RAC1: variants seen among roughly 807,000 people sequenced by gnomAD.
The protein encoded by RAC1 is ras-related C3 botulinum toxin substrate 1.
Under a neutral mutation model 25.2 loss-of-function variants are expected in RAC1, and 2 were observed. The ratio of observed to expected loss-of-function variants is 0.08; its 90% CI spans 0.03 to 0.25. The LOEUF (loss-of-function observed/expected upper bound fraction) is 0.25, where lower values mean the gene tolerates loss of function less well. RAC1 is among the 10% of genes least tolerant of loss of function. The pLI is 1.00. For missense variants in RAC1, 50 were observed against 235.7 expected (o/e 0.21, Z 5.16); for synonymous variants, 88 against 94.0 (o/e 0.94, Z 0.37).
chr7:6,398,735 G>C (rs372483186), intron 3 of RAC1: 23 of 1,610,312 alleles, frequency 1.4e-5, no homozygotes, highest in African/African-American at 6.7e-5. Flanking sequence ...AAAACTTTCA[G>C]TCCACTTCAG....
intron 1 of RAC1, among the ~76,000 whole-genome samples, chr7:6,386,535 A>G (rs34699105): frequency 0.023 from 3,508 of 152,162 alleles, 67 homozygotes; most frequent in Middle Eastern, 0.054. Flanking sequence ...TAATCCCAGC[A>G]CTTTGGGAGG....
chr7:6,379,747 ATTGC>A (rs1189878762), intron 1 of RAC1, among the ~76,000 whole-genome samples: 1 of 151,374 alleles, frequency 6.6e-6, no homozygotes, highest in African/African-American at 2.4e-5. Flanking sequence ...TTATTTTTTT[ATTGC>A]TTATTACTAT....
At chr7:6,391,815 G>A in intron 2 of RAC1, 109 bp from the exon 3 acceptor site, 1 of 1,518,504 alleles carries the variant, frequency 6.6e-7, no homozygotes, top group Non-Finnish European at 8.9e-7. Context: ...TGGTGTGGCA[G>A]CCTCCAGGCC....
In RAC1 at chr7:6,400,099, A is replaced by G. The variant is rs1389253502; in HGVS notation, c.226-27A>G. ...GCTTCATTCTAAGGTTGTTGTCTAA[A>G]TGTTTCCCTGTGTTTCCTTTTTGTA... On this transcript the variant is annotated intron_variant, in intron 3 of 5. Transcript: ENST00000348035. The G allele has an allele frequency of 2.5e-6, 4 of 1,586,864 alleles. No individual in the cohort carries two copies. The South Asian group carries it at 3.3e-5, about 13-fold the overall frequency.
At chr7:6,383,846 A>T (rs1027481619) in intron 1 of RAC1, among the ~76,000 whole-genome samples, 7 of 107,752 alleles carry the variant, frequency 6.5e-5, no homozygotes, top group African/African-American at 2.6e-4. Flanking sequence ...CTTGTTGCCC[A>T]GGCTGGAGTG....
chr7:6,376,894 T>G (rs1252165766), intron 1 of RAC1, among the ~76,000 whole-genome samples: 2 of 151,818 alleles, frequency 1.3e-5, no homozygotes, highest in African/African-American at 4.8e-5. Flanking sequence ...TGTGGACCTC[T>G]GCTGTTTGAA....
At chr7:6,377,344 A>C (rs931870785) in intron 1 of RAC1, among the ~76,000 whole-genome samples, 10 of 152,144 alleles carry the variant, frequency 6.6e-5, no homozygotes, top group Non-Finnish European at 1.2e-4. Context: ...CCTGTAACCC[A>C]GCATTTTGGG....
intron 2 of RAC1, among the ~76,000 whole-genome samples, chr7:6,389,920 C>T (rs1196698988): frequency 6.6e-6 from 1 of 151,322 alleles, no homozygotes. Context: ...ACTGATGGAA[C>T]ATTTCCTTCC....
intron 3 of RAC1, chr7:6,398,578 A>G: frequency 4.9e-6 from 6 of 1,222,096 alleles, no homozygotes; most frequent in Non-Finnish European, 7.1e-6. Context: ...ACAAAATTCT[A>G]ATAAAGAATC....
At chr7:6,376,564 G>A (rs1782605668) in intron 1 of RAC1, among the ~76,000 whole-genome samples, 1 of 145,190 alleles carries the variant, frequency 6.9e-6, no homozygotes, top group East Asian at 2.0e-4. Flanking sequence ...GTGCAATGGC[G>A]CGATCTCTGC....
chr7:6,380,506 C>A (rs1474728260), intron 1 of RAC1, among the ~76,000 whole-genome samples: 2 of 152,122 alleles, frequency 1.3e-5, no homozygotes, highest in Non-Finnish European at 2.9e-5. Flanking sequence ...AACTTTCTGT[C>A]TTTTTGCATT....
At chr7:6,381,997 T>A (rs545719192) in intron 1 of RAC1, among the ~76,000 whole-genome samples, 1 of 152,148 alleles carries the variant, frequency 6.6e-6, no homozygotes, top group Admixed American at 6.6e-5. Context: ...CTACATACTT[T>A]TTTTTGTTTT....
intron 4 of RAC1, among the ~76,000 whole-genome samples, chr7:6,400,527 G>A (rs1388932878): frequency 1.3e-5 from 2 of 152,030 alleles, no homozygotes; most frequent in African/African-American, 2.4e-5. Context: ...GGCTGGTTTT[G>A]TAGACCCTGG....
chr7:6,399,050 CTAACCT>C (rs1232020452), intron 3 of RAC1, among the ~76,000 whole-genome samples: 1 of 152,194 alleles, frequency 6.6e-6, no homozygotes, highest in Non-Finnish European at 1.5e-5. Flanking sequence ...CGGAGCAGGA[CTAACCT>C]TGTTGCCGGG....
intron 2 of RAC1, among the ~76,000 whole-genome samples, chr7:6,390,597 CA>C (rs1436549557): frequency 5.2e-4 from 72 of 139,322 alleles, no homozygotes; most frequent in Non-Finnish European, 7.7e-4. Context: ...GATTCTGTCT[CA>C]AAAAAAAAAT....
intron 3 of RAC1, among the ~76,000 whole-genome samples, chr7:6,397,368 C>T (rs898361645): frequency 6.6e-6 from 1 of 152,042 alleles, no homozygotes; most frequent in Non-Finnish European, 1.5e-5. Flanking sequence ...AATCTCGCCT[C>T]ACTGCAACCT....
At position 6,402,580 on chromosome 7, in the gene RAC1, GATTA is replaced by G. The variant is rs1783446710; in HGVS notation, c.*138_*141del. 1 of 879,188 alleles carries G rather than the reference GATTA, an allele frequency of 1.1e-6. No individual in the cohort carries two copies. The allele number at this position is 879,188 out of a possible 1,614,324, so 54.5% of individuals were successfully genotyped here. A position where few individuals can be genotyped will look rare whatever the true frequency, so the allele number is the denominator to read the frequency against. On this transcript the variant is annotated 3_prime_UTR_variant, in exon 6 of 6. Coordinates refer to ENST00000348035, the MANE Select transcript of RAC1 (RefSeq NM_006908.5). ...CACTCAATGCCAACTTTTTGTTACA[GATTA>G]ATTTTTCCATAAAACCATTTTTTGA...
intron 1 of RAC1, among the ~76,000 whole-genome samples, chr7:6,384,514 T>C (rs1211308927): frequency 6.6e-6 from 1 of 152,208 alleles, no homozygotes; most frequent in African/African-American, 2.4e-5. Context: ...GATCGTGCTT[T>C]GTCACCTAGG....
chr7:6,398,026 C>T (rs1380302841), intron 3 of RAC1, among the ~76,000 whole-genome samples: 1 of 152,188 alleles, frequency 6.6e-6, no homozygotes, highest in Admixed American at 6.6e-5. Context: ...TCCCCCAGAC[C>T]TACAAAGTAG....
Sources: gnomAD v4.1 joint callset for allele counts (sites outside exome capture counted in the v4.1 genomes callset) on GRCh38, gnomAD v4.1.1 for gene constraint, MANE v1.5 for transcripts, NCBI Gene and HGNC (gene_info 2026-07-23, HGNC 2026-07-21) for gene names.